Variants in ACTN2 observed in about 807,000 individuals in gnomAD.
ACTN2 encodes actinin alpha 2.
Under a neutral mutation model 113.8 loss-of-function variants are expected in ACTN2, and 39 were observed. That is an observed-to-expected ratio of 0.34 (90% CI 0.27 to 0.45). The LOEUF (loss-of-function observed/expected upper bound fraction) is 0.45, where lower values mean the gene tolerates loss of function less well. ACTN2 is among the 20% of genes least tolerant of loss of function. ACTN2 has a pLI of 1.00. For missense variants in ACTN2, 992 were observed against 1,177.9 expected, an observed-to-expected ratio of 0.84 and a Z score of 2.31; for synonymous variants, 429 against 444.1, an observed-to-expected ratio of 0.97 and a Z score of 0.43.
chr1:236,712,556 A>T (rs1658059032), intron 1 of ACTN2, among the ~76,000 whole-genome samples: 1 of 152,190 alleles, frequency 6.6e-6, no homozygotes, highest in Non-Finnish European at 1.5e-5. Flanking sequence ...TCAACTCAGG[A>T]GGCTGAGGTG....
intron 7 of ACTN2, 59 bp from the exon 8 acceptor site, chr1:236,735,576 T>A (rs1658844058): frequency 3.5e-6 from 5 of 1,428,970 alleles, no homozygotes; most frequent in Non-Finnish European, 4.9e-6. Context: ...CTCTCCTTCG[T>A]CTGTATGTGT....
chr1:236,710,476 C>A (rs1657991366), intron 1 of ACTN2, among the ~76,000 whole-genome samples: 1 of 152,194 alleles, frequency 6.6e-6, no homozygotes. Context: ...AGCAAGTCCT[C>A]CAAGCCATTG....
chr1:236,690,948 T>C (rs1007456485), intron 1 of ACTN2, among the ~76,000 whole-genome samples: 5 of 150,440 alleles, frequency 3.3e-5, no homozygotes, highest in African/African-American at 1.2e-4. Context: ...TTTTTTTTTT[T>C]TTTTTTTGAG....
intron 8 of ACTN2, chr1:236,736,468 G>A: frequency 1.3e-6 from 1 of 764,904 alleles, no homozygotes; most frequent in Non-Finnish European, 2.1e-6. Flanking sequence ...AGACAGTTAT[G>A]GTTCAAGGCG....
chr1:236,703,968 T>TA (rs1657751089), intron 1 of ACTN2, among the ~76,000 whole-genome samples: 1 of 152,178 alleles, frequency 6.6e-6, no homozygotes, highest in South Asian at 2.1e-4. Flanking sequence ...AGCTTCTTGA[T>TA]AAATGTAAGA....
intron 18 of ACTN2, among the ~76,000 whole-genome samples, chr1:236,758,687 TCAGCTC>T (rs1396938821): frequency 2.6e-5 from 4 of 151,758 alleles, no homozygotes; most frequent in Non-Finnish European, 5.9e-5. Context: ...TGGTGTGATC[TCAGCTC>T]CCTGCAACCT....
Position 236,734,401 on chromosome 1 carries a change from T to A in ACTN2, c.698-1234T>A, listed in dbSNP as rs1277039428. On this transcript the variant is annotated intron_variant, in intron 7 of 20. Coordinates refer to ENST00000366578, the MANE Select transcript of ACTN2 (RefSeq NM_001103.4). ...GCAGAAGCCTGCTGGTATTAGAACATCCACGCGGTTAACCTTCTTTTCTCC... is the reference window on the plus strand; with the variant it reads ...GCAGAAGCCTGCTGGTATTAGAACAACCACGCGGTTAACCTTCTTTTCTCC... 2.7e-6 allele frequency: 4 copies of A among 1,463,046 alleles called. No homozygotes were observed. In the African/African-American group the frequency reaches 4.2e-5, roughly 15 times the overall value. The allele number at this position is 1,463,046 out of a possible 1,614,324, so 90.6% of individuals were successfully genotyped here.
At chr1:236,731,011 C>CT (rs1405042264) in intron 6 of ACTN2, among the ~76,000 whole-genome samples, 59 of 152,126 alleles carry the variant, frequency 3.9e-4, no homozygotes, top group African/African-American at 1.4e-3. Context: ...TTTGTTCACA[C>CT]TTTATGATTG....
At chr1:236,730,856 G>A (rs1658693851) in intron 6 of ACTN2, among the ~76,000 whole-genome samples, 1 of 152,124 alleles carries the variant, frequency 6.6e-6, no homozygotes, top group African/African-American at 2.4e-5. Context: ...AAATCAGGGT[G>A]CTGGTTCTCC....
At chr1:236,698,576 A>G (rs1657586175) in intron 1 of ACTN2, among the ~76,000 whole-genome samples, 1 of 152,176 alleles carries the variant, frequency 6.6e-6, no homozygotes, top group South Asian at 2.1e-4. Flanking sequence ...TGTTATTGTA[A>G]TTTTATGAAA....
chr1:236,749,115 A>G lies in ACTN2; in HGVS notation c.1516-9A>G, dbSNP rs1377475806. The G allele has an allele frequency of 1.2e-6, 2 of 1,613,952 alleles. No homozygotes were observed. The highest frequency in any genetic ancestry group is 1.7e-6 in the Non-Finnish European group (2 of 1,180,004). Reference sequence around the variant, plus strand: ...TCTATGATAATGCTTGCTTCTCTTTATTCTTTAGAGAATGGAGAAATTGCT... The same window carrying G: ...TCTATGATAATGCTTGCTTCTCTTTGTTCTTTAGAGAATGGAGAAATTGCT... On this transcript the variant is annotated splice_polypyrimidine_tract_variant and intron_variant, in intron 13 of 20. Transcript: ENST00000366578.
intron 14 of ACTN2, among the ~76,000 whole-genome samples, chr1:236,750,163 C>CACTAATTTATTT (rs1659354273): frequency 1.3e-5 from 2 of 151,990 alleles, no homozygotes; most frequent in Non-Finnish European, 2.9e-5. Flanking sequence ...AGAATTTGTA[C>CACTAATTTATTT]AGTGAATTTG....
intron 4 of ACTN2, among the ~76,000 whole-genome samples, chr1:236,722,429 G>T (rs1007664950): frequency 6.6e-6 from 1 of 152,108 alleles, no homozygotes; most frequent in Non-Finnish European, 1.5e-5. Flanking sequence ...GAGGTCAGCA[G>T]TTCGAGACCA....
At chr1:236,694,861 T>TAA (rs577463005) in intron 1 of ACTN2, among the ~76,000 whole-genome samples, 1 of 151,676 alleles carries the variant, frequency 6.6e-6, no homozygotes, top group South Asian at 2.1e-4. Context: ...GGCTAGGAGT[T>TAA]AGAGAGTGTC....
At chr1:236,688,261 T>G (rs1435944313) in intron 1 of ACTN2, among the ~76,000 whole-genome samples, 3 of 152,030 alleles carry the variant, frequency 2.0e-5, no homozygotes, top group Non-Finnish European at 2.9e-5. Context: ...AACTCCCGGG[T>G]CTTTGTTTTA....
chr1:236,713,352 C>A (rs536852920), intron 1 of ACTN2, among the ~76,000 whole-genome samples: 146 of 152,166 alleles, frequency 9.6e-4, no homozygotes, highest in African/African-American at 3.3e-3. Flanking sequence ...CTCAGCCTCC[C>A]GAGTAGCTGG....
rs946902658 is a variant in ACTN2 at position 236,736,723 on chromosome 1, T to A, written c.784-399T>A. On this transcript the variant is annotated intron_variant, in intron 8 of 20. Transcript: ENST00000366578. Reference sequence around the variant, plus strand: ...TTTTGCCTTGATTTCCAAAGGCTAATGTTATTCAGGGAGTCTCCATCCCAT... The same window carrying A: ...TTTTGCCTTGATTTCCAAAGGCTAAAGTTATTCAGGGAGTCTCCATCCCAT... 6 of 1,098,406 alleles carry A rather than the reference T, an allele frequency of 5.5e-6. No individual in the cohort carries two copies. The African/African-American group carries it at 9.2e-5, about 17-fold the overall frequency. The allele number at this position is 1,098,406 out of a possible 1,614,324, so 68.0% of individuals were successfully genotyped here. A position where few individuals can be genotyped will look rare whatever the true frequency, so the allele number is the denominator to read the frequency against.
chr1:236,694,720 A>AT (rs1327596245), intron 1 of ACTN2, among the ~76,000 whole-genome samples: 1 of 152,014 alleles, frequency 6.6e-6, no homozygotes, highest in Non-Finnish European at 1.5e-5. Flanking sequence ...CTCTTGAAGT[A>AT]TTTTCTCAGG....
chr1:236,722,451 A>G (rs1658424116), intron 4 of ACTN2, among the ~76,000 whole-genome samples: 1 of 152,006 alleles, frequency 6.6e-6, no homozygotes, highest in Non-Finnish European at 1.5e-5. Context: ...CCTGGCCAAC[A>G]TGGTGAAATC....
Sources: allele counts gnomAD v4.1 joint callset (sites outside exome capture counted in the v4.1 genomes callset), GRCh38; gene constraint gnomAD v4.1.1; transcripts MANE v1.5; gene names NCBI Gene and HGNC (gene_info 2026-07-23, HGNC 2026-07-21).